The following APBA2 variants were observed in gnomAD, a reference collection of about 807,000 sequenced individuals.
APBA2 encodes amyloid beta precursor protein binding family A member 2, also known as amyloid-beta A4 precursor protein-binding family A member 2.
APBA2 carries 30 observed loss-of-function variants against 75.0 expected under a neutral mutation model. That is an observed-to-expected ratio of 0.40 (90% CI 0.30 to 0.54). The LOEUF (loss-of-function observed/expected upper bound fraction) is 0.54, where lower values mean the gene tolerates loss of function less well. APBA2 is among the 20% of genes least tolerant of loss of function. The pLI is 0.49. For missense variants in APBA2, 801 were observed against 1,016.1 expected, an observed-to-expected ratio of 0.79 and a Z score of 2.88; for synonymous variants, 444 against 409.6, an observed-to-expected ratio of 1.08 and a Z score of -1.01.
chr15:28,957,130 T>C (rs1282248488), intron 2 of APBA2, among the ~76,000 whole-genome samples: 1 of 152,086 alleles, frequency 6.6e-6, no homozygotes, highest in Non-Finnish European at 1.5e-5. Context: ...TGGAGTGCAG[T>C]GGTGCAATCT....
Position 29,023,141 on chromosome 15 carries a change from CCTT to C in APBA2, c.-41+27340_-41+27342del, listed in dbSNP as rs2040034790. 2.0e-5 allele frequency among the ~76,000 whole-genome samples: 3 copies of C among 152,058 alleles called. No individual in the cohort carries two copies. The South Asian group carries it at 6.2e-4, about 32-fold the overall frequency. On this transcript the variant is annotated intron_variant, in intron 3 of 14. Coordinates refer to ENST00000683413, the MANE Select transcript of APBA2 (RefSeq NM_001353788.2). ...GGAATATTGTCTGAAAAAAATGCCT[CCTT>C]CTTCCCCTCTTCCTTCTCAAACTGT...
intron 14 of APBA2, among the ~76,000 whole-genome samples, chr15:29,114,343 T>C (rs11638585): frequency 0.86 from 131,035 of 152,280 alleles, 56,565 homozygotes; most frequent in Middle Eastern, 0.94. Flanking sequence ...CTCTCTGCCC[T>C]TGCTGGCCAT....
chr15:29,008,285 G>A (rs1466406202), intron 3 of APBA2, among the ~76,000 whole-genome samples: 2 of 152,206 alleles, frequency 1.3e-5, no homozygotes, highest in African/African-American at 4.8e-5. Context: ...GTTTTACAAA[G>A]TGAAAAGAGT....
Position 28,987,722 on chromosome 15 carries a change from GGA to G in APBA2, c.-94-8024_-94-8023del, listed in dbSNP as rs145875513. ...TTGAAGGGAGTGTCAAAGAATATGT[GGA>G]GAGAGATATATATATATATATATAT... On this transcript the variant is annotated intron_variant, in intron 2 of 14. Transcript: ENST00000683413. 7.8e-4 allele frequency among the ~76,000 whole-genome samples: 100 copies of G among 128,210 alleles called. 1 individual carries two copies. Among genetic ancestry groups the G allele is most frequent in the East Asian group, 7.0e-3 (25 of 3,552 alleles). 84.1% of individuals were successfully genotyped at this position (128,210 alleles called of 152,430 possible).
At chr15:28,924,698 T>A (rs2152677776) in intron 2 of APBA2, among the ~76,000 whole-genome samples, 1 of 152,302 alleles carries the variant, frequency 6.6e-6, no homozygotes, top group Non-Finnish European at 1.5e-5. Context: ...CTTTTGACTG[T>A]CAGGAATAAT....
intron 14 of APBA2, among the ~76,000 whole-genome samples, chr15:29,114,870 T>C (rs369929896): frequency 8.2e-6 from 1 of 121,276 alleles, no homozygotes; most frequent in South Asian, 3.2e-4. Flanking sequence ...AGTGTGGGTG[T>C]GTGCAGGGGT....
intron 2 of APBA2, among the ~76,000 whole-genome samples, chr15:28,969,752 G>A (rs1176823912): frequency 1.3e-5 from 2 of 152,142 alleles, no homozygotes; most frequent in Admixed American, 1.3e-4. Flanking sequence ...GGATTGAAGG[G>A]GCCAAAAGCT....
chr15:28,984,249 G>A (rs2037779326), intron 2 of APBA2, among the ~76,000 whole-genome samples: 1 of 152,210 alleles, frequency 6.6e-6, no homozygotes, highest in Admixed American at 6.5e-5. Flanking sequence ...TGAGGGCAGG[G>A]GGAGCTGCGG....
chr15:28,921,257 G>C (rs1270414453), intron 1 of APBA2, among the ~76,000 whole-genome samples: 1 of 152,088 alleles, frequency 6.6e-6, no homozygotes, highest in Non-Finnish European at 1.5e-5. Context: ...TTAATGGCAC[G>C]AGATTTCCCT....
At chr15:28,892,758 G>A (rs934560809) in intron 1 of APBA2, among the ~76,000 whole-genome samples, 2 of 152,170 alleles carry the variant, frequency 1.3e-5, no homozygotes, top group African/African-American at 4.8e-5. Flanking sequence ...CAGCAGGGCA[G>A]CTGTAAATAT....
rs983014888 is a variant in APBA2 at position 29,101,522 on chromosome 15, A to G, written c.1339-77A>G. ...GCTAGGATTACAGGCTTGAGCCACC[A>G]TGCCCAGCCCTGGAGTACTTTTCAA... On this transcript the variant is annotated intron_variant, in intron 9 of 14. Transcript: ENST00000683413. 8 of 1,512,736 alleles carry G rather than the reference A, an allele frequency of 5.3e-6. No homozygotes were observed. The Admixed American group carries it at 7.7e-5, about 15-fold the overall frequency. The allele number at this position is 1,512,736 out of a possible 1,614,324, so 93.7% of individuals were successfully genotyped here. A position where few individuals can be genotyped will look rare whatever the true frequency, so the allele number is the denominator to read the frequency against.
intron 6 of APBA2, among the ~76,000 whole-genome samples, chr15:29,092,172 A>G (rs1008713883): frequency 2.6e-5 from 4 of 152,066 alleles, no homozygotes; most frequent in South Asian, 4.1e-4. Flanking sequence ...TTTACGCCTC[A>G]GGTACAACGG....
intron 6 of APBA2, among the ~76,000 whole-genome samples, chr15:29,092,144 A>G (rs2043605720): frequency 6.6e-6 from 1 of 152,148 alleles, no homozygotes; most frequent in East Asian, 1.9e-4. Flanking sequence ...CCTGTTTTAC[A>G]TACTGTCTAC....
At chr15:29,048,603 C>T (rs2041454082) in intron 3 of APBA2, among the ~76,000 whole-genome samples, 1 of 152,014 alleles carries the variant, frequency 6.6e-6, no homozygotes, top group Non-Finnish European at 1.5e-5. Flanking sequence ...ATGATGTAGA[C>T]TAGAAAGTCC....
chr15:29,079,305 T>C (rs2152929965), intron 6 of APBA2, among the ~76,000 whole-genome samples: 1 of 152,192 alleles, frequency 6.6e-6, no homozygotes, highest in Non-Finnish European at 1.5e-5. Flanking sequence ...TGAGACTAGC[T>C]GTGTGGGTGC....
At chr15:29,090,250 C>T (rs2043494404) in intron 6 of APBA2, among the ~76,000 whole-genome samples, 1 of 152,208 alleles carries the variant, frequency 6.6e-6, no homozygotes. Flanking sequence ...TGGCCTCATC[C>T]CGGAAGCAGG....
intron 4 of APBA2, among the ~76,000 whole-genome samples, chr15:29,061,919 T>C (rs2042145562): frequency 6.6e-6 from 1 of 152,124 alleles, no homozygotes; most frequent in African/African-American, 2.4e-5. Context: ...GCGCCCCCCC[T>C]CCATCAGCGT....
At chr15:28,999,457 A>G (rs927216209) in intron 3 of APBA2, among the ~76,000 whole-genome samples, 1 of 152,230 alleles carries the variant, frequency 6.6e-6, no homozygotes, top group African/African-American at 2.4e-5. Flanking sequence ...TGTCAAATAG[A>G]CAAATGAACT....
At chr15:29,022,780 C>G (rs2040017999) in intron 3 of APBA2, among the ~76,000 whole-genome samples, 1 of 152,118 alleles carries the variant, frequency 6.6e-6, no homozygotes, top group Admixed American at 6.6e-5. Context: ...TGGAATTGCA[C>G]TGACTTTCTA....
Sources: gnomAD v4.1 joint callset for allele counts (sites outside exome capture counted in the v4.1 genomes callset) on GRCh38, gnomAD v4.1.1 for gene constraint, MANE v1.5 for transcripts, NCBI Gene and HGNC (gene_info 2026-07-23, HGNC 2026-07-21) for gene names.